The following PFAS variants were observed in gnomAD, a reference collection of about 807,000 sequenced individuals.
PFAS encodes FGAM synthase.
PFAS carries 97 observed loss-of-function variants against 140.6 expected under a neutral mutation model. That is an observed-to-expected ratio of 0.69 (90% confidence interval 0.59 to 0.82). The LOEUF is 0.82. Ranked by LOEUF, PFAS falls within the 40% of genes least tolerant of loss-of-function variation. The probability of loss-of-function intolerance (pLI) is 0.00; values close to 1 mark genes in which losing one functional copy is unlikely to be tolerated. For synonymous variants in PFAS, 679 were observed against 718.8 expected, an observed-to-expected ratio of 0.94 and a Z score of 0.88; for missense variants, 1,656 against 1,780.2, an observed-to-expected ratio of 0.93 and a Z score of 1.26.
intron 15 of PFAS, 56 bp from the exon 16 acceptor site, chr17:8,264,156 T>G: frequency 6.2e-7 from 1 of 1,603,454 alleles, no homozygotes; most frequent in Non-Finnish European, 8.5e-7. Context: ...CTAGGAACAT[T>G]CCTTGCTGGT....
At chr17:8,262,765 C>T (rs1168551242) in intron 11 of PFAS, among the ~76,000 whole-genome samples, 155 bp from the exon 12 acceptor site, 2 of 151,936 alleles carry the variant, frequency 1.3e-5, no homozygotes, top group Non-Finnish European at 2.9e-5. Context: ...CACTGTACTT[C>T]AGCCTGGACA....
chr17:8,254,542 G>T (rs1321652467), intron 3 of PFAS, among the ~76,000 whole-genome samples: 1 of 152,120 alleles, frequency 6.6e-6, no homozygotes, highest in African/African-American at 2.4e-5. Flanking sequence ...GGTGGCTCAC[G>T]CCTGTAATCC....
chr17:8,254,992 G>A, intron 3 of PFAS, 35 bp from the exon 4 acceptor site: 1 of 1,496,322 alleles, frequency 6.7e-7, no homozygotes, highest in Non-Finnish European at 9.3e-7. Context: ...CCTGCCGGGG[G>A]TTCTCCAGTC....
At chr17:8,259,838 C>T (rs758735473) in intron 11 of PFAS, among the ~76,000 whole-genome samples, 6 of 151,996 alleles carry the variant, frequency 3.9e-5, no homozygotes, top group African/African-American at 7.3e-5. Flanking sequence ...TGGTGGCTCA[C>T]GCCTGTAATC....
chr17:8,255,418 A>G (rs887089589), intron 4 of PFAS, 84 bp from the exon 5 acceptor site: 2 of 1,096,998 alleles, frequency 1.8e-6, no homozygotes, highest in African/African-American at 1.6e-5. Flanking sequence ...CTAGCCTTGC[A>G]TGACTAAGAG....
intron 10 of PFAS, 40 bp downstream of exon 10, chr17:8,257,978 G>A (rs1375487846): frequency 1.9e-6 from 3 of 1,612,128 alleles, no homozygotes; most frequent in African/African-American, 2.7e-5. Context: ...CACCCAGAGG[G>A]GCTTGTGGGT....
rs1308465210 is a variant in PFAS at position 8,257,933 on chromosome 17, T to C, written c.1202T>C (p.Leu401Pro). 6.2e-7 allele frequency: 1 copy of C among 1,614,174 alleles called. No individual in the cohort carries two copies. The highest frequency in any genetic ancestry group is 8.5e-7 in the Non-Finnish European group (1 of 1,180,010). The stretch of plus-strand genomic sequence containing the variant: ...GGCAACAAGTTTGGGGAACCAGTGC[T>C]GGCTGGTGAGGCTGGGGTGTGGAGG... The part of the protein sequence containing the change: ...DYGNKFGEPV[L>P]AGFARSLGLQ... Residue 401 changes from leucine (L) to proline (P), a missense_variant, in exon 10 of 28, where the codon CTG becomes CCG. By Grantham distance (98) the Leu-to-Pro change is moderately conservative (BLOSUM62 -3). Coordinates refer to ENST00000314666, the MANE Select transcript of PFAS (RefSeq NM_012393.3).
rs144364753 is a variant in PFAS, at chr17:8,265,352, C to T, written c.2345C>T (p.Ala782Val). 1,199 of 1,614,008 alleles carry T rather than the reference C, an allele frequency of 7.4e-4. 1 individual carries two copies. The highest frequency in any genetic ancestry group is 9.4e-4 in the Non-Finnish European group (1,112 of 1,180,018). The part of the protein sequence containing the change: ...AKLPGEGAAL[A>V]DACEAMVAVM... ...CTCCCAGGGGAGGGCGCAGCTTTGG[C>T]GGATGCCTGTGAGGCTATGGTGGCA... The change falls in exon 19 of 28, where the codon GCG (alanine) becomes GTG (valine). Residue 782 changes from alanine to valine, a missense_variant. By Grantham distance (64) the Ala-to-Val change is moderately conservative. Around this residue, in one of 2 missense-constraint regions of PFAS, gnomAD observed 883 missense variants for 1,023.0 expected, o/e 0.86. Transcript: ENST00000314666.
Position 8,266,416 on chromosome 17 carries a change from C to T in PFAS, c.2821+63C>T. 1 of 1,604,624 alleles carries T rather than the reference C, an allele frequency of 6.2e-7. No homozygotes were observed. Among genetic ancestry groups the T allele is most frequent in the Non-Finnish European group, 8.5e-7 (1 of 1,175,498 alleles). ...CTTCTCTACCCTGCAGACCCCATTT[C>T]CAATATATTAAAGAGTGGAGTGCCC... On this transcript the variant is annotated intron_variant, in intron 22 of 27. Transcript: ENST00000314666. This position sits in a 1 kb window ranked among gnomAD's most constrained non-coding sequence, Gnocchi z 5.0.
At position 8,267,067 on chromosome 17, in the gene PFAS, C is replaced by G; in HGVS notation, c.3007C>G (p.Pro1003Ala). The change falls in exon 24 of 28, where the codon CCT becomes GCT. Residue 1003 changes from proline (P) to alanine (A), a missense_variant. By Grantham distance (27) the Pro-to-Ala change is conservative (BLOSUM62 -1). Coordinates refer to ENST00000314666, the MANE Select transcript of PFAS (RefSeq NM_012393.3). The surrounding 1 kb of genome is among the most constrained non-coding windows in gnomAD (Gnocchi z 4.9). The part of the protein sequence containing the change: ...SVNGAVVLEE[P>A]VGELRALWEE... ...GAACGGGGCTGTGGTTCTGGAGGAG[C>G]CTGTTGGGGAGCTGCGAGCCCTCTG... 8.1e-6 allele frequency: 13 copies of G among 1,614,042 alleles called. No individual in the cohort carries two copies. The highest frequency in any genetic ancestry group is 1.1e-5 in the Non-Finnish European group (13 of 1,180,022).
intron 15 of PFAS, 75 bp from the exon 16 acceptor site, chr17:8,264,137 C>A: frequency 6.3e-7 from 1 of 1,583,830 alleles, no homozygotes; most frequent in Non-Finnish European, 8.7e-7. Context: ...CACATTTGTG[C>A]CCTGATTTCT....
intron 1 of PFAS, among the ~76,000 whole-genome samples, chr17:8,249,994 C>A (rs975015471): frequency 6.6e-6 from 1 of 152,092 alleles, no homozygotes; most frequent in African/African-American, 2.4e-5. Context: ...ATAGGGCCGG[C>A]CATCTGATAG....
chr17:8,254,688 C>A (rs1989289008), intron 3 of PFAS, among the ~76,000 whole-genome samples: 1 of 150,828 alleles, frequency 6.6e-6, no homozygotes, highest in South Asian at 2.1e-4. Flanking sequence ...CCTGTAGTCC[C>A]AGCTACTAGG....
chr17:8,268,588 C>G lies in PFAS; in HGVS notation c.3438C>G (p.Phe1146Leu), dbSNP rs779413466. ...GGGCTGGGGCTGAGCTGAGGCGCTT[C>G]CGGAAGCGGCCAGACACCTTCAGCC... ...HPRAGAELRR[F>L]RKRPDTFSLG... The change falls in exon 27 of 28, where the codon TTC (phenylalanine) becomes TTG (leucine). Residue 1146 changes from phenylalanine to leucine, a missense_variant. Phe to Leu is a conservative substitution (Grantham distance 22, BLOSUM62 0). This residue lies in a region of PFAS where 883 missense variants were observed against 1,023.0 expected (regional missense o/e 0.86). Transcript: ENST00000314666. 84 of 1,612,998 alleles carry G rather than the reference C, an allele frequency of 5.2e-5. No individual in the cohort carries two copies. Among genetic ancestry groups the G allele is most frequent in the Non-Finnish European group, 6.9e-5 (82 of 1,179,978 alleles).
chr17:8,263,855 C>G lies in PFAS; in HGVS notation c.1710C>G (p.Pro570=). The change falls in exon 15 of 28, where the codon CCC becomes CCG. Residue 570 remains proline, a synonymous_variant. Transcript: ENST00000314666. ...CAAATGCTCTTCTGCTGAGGTCCCC[C>G]AACCGGGACTTCCTGACTCATGTCA... ...QESNALLLRS[P]NRDFLTHVSA... 17 of 1,614,136 alleles carry G rather than the reference C, an allele frequency of 1.1e-5. No individual in the cohort carries two copies. Among genetic ancestry groups the G allele is most frequent in the Non-Finnish European group, 1.4e-5 (17 of 1,179,992 alleles).
At chr17:8,247,992 A>T, upstream of PFAS, 1 of 1,574,662 alleles carries the variant, frequency 6.4e-7, no homozygotes, top group Non-Finnish European at 8.7e-7. Context: ...GAGACGTAAT[A>T]GCAGCACTCA....
Position 8,255,862 on chromosome 17 carries a change from A to G in PFAS, c.632A>G (p.Gln211Arg). The G allele has an allele frequency of 2.5e-6, 4 of 1,614,170 alleles. No individual in the cohort carries two copies. Among genetic ancestry groups the G allele is most frequent in the East Asian group, 2.2e-5 (1 of 44,880 alleles). The change falls in exon 6 of 28, where the codon CAG becomes CGG. Residue 211 changes from glutamine (Q) to arginine (R), a missense_variant. Gln to Arg is a conservative substitution (Grantham distance 43). Around this residue, in one of 2 missense-constraint regions of PFAS, gnomAD observed 773 missense variants for 757.3 expected, o/e 1.02. Coordinates refer to ENST00000314666, the MANE Select transcript of PFAS (RefSeq NM_012393.3). Reference sequence around the variant, plus strand: ...TACACCAAGCGCTTCCAGGAGCTACAGCGGAACCCGAGCACTGTGGAGGCC... The same window carrying G: ...TACACCAAGCGCTTCCAGGAGCTACGGCGGAACCCGAGCACTGTGGAGGCC... ...DFYTKRFQEL[Q>R]RNPSTVEAFD...
In PFAS at chr17:8,266,407, A is replaced by C. The variant is rs1445833769; in HGVS notation, c.2821+54A>C. ...CCGGGCTGCCTTCTCTACCCTGCAGACCCCATTTCCAATATATTAAAGAGT... is the reference window on the plus strand; with the variant it reads ...CCGGGCTGCCTTCTCTACCCTGCAGCCCCCATTTCCAATATATTAAAGAGT... On this transcript the variant is annotated intron_variant, in intron 22 of 27. Transcript: ENST00000314666. This position sits in a 1 kb window ranked among gnomAD's most constrained non-coding sequence, Gnocchi z 5.0. The C allele has an allele frequency of 1.2e-6, 2 of 1,607,470 alleles. No homozygotes were observed. Among genetic ancestry groups the C allele is most frequent in the South Asian group, 1.1e-5 (1 of 90,262 alleles).
intron 15 of PFAS, 41 bp downstream of exon 15, chr17:8,263,977 A>ACATGAGC: frequency 6.2e-7 from 1 of 1,602,420 alleles, no homozygotes; most frequent in Non-Finnish European, 8.5e-7. Flanking sequence ...ACTGGGGCAG[A>ACATGAGC]CATGAGCCAC....
Sources: gnomAD v4.1 joint callset for allele counts (sites outside exome capture counted in the v4.1 genomes callset) on GRCh38, gnomAD v4.1.1 for gene constraint, gnomAD v4.1.1 regional missense constraint, Gnocchi (gnomAD v3.1) non-coding constraint, MANE v1.5 for transcripts, NCBI Gene and HGNC (gene_info 2026-07-23, HGNC 2026-07-21) for gene names.